NCAM1: variants seen among roughly 807,000 people sequenced by gnomAD.
NCAM1 encodes the protein antigen recognized by monoclonal antibody 5.1H11.
NCAM1 carries 14 observed loss-of-function variants against 109.8 expected under a neutral mutation model. The observed-to-expected ratio is 0.13, with a 90% CI of 0.08 to 0.20. The LOEUF (loss-of-function observed/expected upper bound fraction) is 0.20. Among genes scored for constraint, NCAM1 ranks in the 10% least tolerant of loss-of-function variants. The pLI is 1.00. For missense variants in NCAM1, 774 were observed against 1,109.9 expected, an observed-to-expected ratio of 0.70 and a Z score of 4.30; for synonymous variants, 418 against 442.9, an observed-to-expected ratio of 0.94 and a Z score of 0.70.
Position 113,277,287 on chromosome 11 carries a change from A to AAACT in NCAM1, c.*1901_*1904dup. On this transcript the variant is annotated 3_prime_UTR_variant, in exon 20 of 20. Coordinates refer to ENST00000316851, the MANE Select transcript of NCAM1 (RefSeq NM_181351.5). ...AGTGGCGATGCTAGATTATAATTTCAAACTGTGAAGAATAATGGTCTTGTC... is the reference window on the plus strand; with the variant it reads ...AGTGGCGATGCTAGATTATAATTTCAAACTAACTGTGAAGAATAATGGTCTTGTC... 1 of 398,980 alleles carries AAACT rather than the reference A, an allele frequency of 2.5e-6. No homozygotes were observed. The highest frequency in any genetic ancestry group is 4.4e-6 in the Non-Finnish European group (1 of 226,026). 24.7% of individuals were successfully genotyped at this position (398,980 alleles called of 1,614,324 possible).
intron 9 of NCAM1, among the ~76,000 whole-genome samples, chr11:113,230,574 C>G (rs1465221862): frequency 6.6e-6 from 1 of 152,158 alleles, no homozygotes; most frequent in Non-Finnish European, 1.5e-5. Context: ...GCTTCAGGGC[C>G]CCAAACCAGC....
In NCAM1 at chr11:113,111,966, CAT is replaced by C. The variant is rs1555093803; in HGVS notation, c.53-90412_53-90411del. Among the ~76,000 whole-genome samples the C allele has an allele frequency of 4.6e-5, 7 of 152,256 alleles. No homozygotes were observed. The South Asian group carries it at 1.5e-3, about 32-fold the overall frequency. The stretch of plus-strand genomic sequence containing the variant: ...ATCTTATTTTTAAGCTTTATTGGCA[CAT>C]GTTTACTATGCGAAAAAGAAAATCT... On this transcript the variant is annotated intron_variant, in intron 1 of 19. Coordinates refer to ENST00000316851, the MANE Select transcript of NCAM1 (RefSeq NM_181351.5).
At chr11:113,035,038 G>T (rs1281015810) in intron 1 of NCAM1, among the ~76,000 whole-genome samples, 1 of 152,144 alleles carries the variant, frequency 6.6e-6, no homozygotes, top group Non-Finnish European at 1.5e-5. Flanking sequence ...ACCTGGGGCG[G>T]TTAGACTTTT....
intron 1 of NCAM1, among the ~76,000 whole-genome samples, chr11:113,093,798 T>C (rs1158938538): frequency 2.6e-5 from 4 of 152,160 alleles, no homozygotes; most frequent in African/African-American, 9.7e-5. Flanking sequence ...ATAACAATAG[T>C]CAAGGTCCTC....
chr11:113,219,950 A>G (rs769539206), intron 8 of NCAM1, among the ~76,000 whole-genome samples: 6 of 152,102 alleles, frequency 3.9e-5, no homozygotes, highest in Non-Finnish European at 8.8e-5. Context: ...TTTCCATCTC[A>G]TTTCTCACAA....
intron 1 of NCAM1, among the ~76,000 whole-genome samples, chr11:113,009,079 G>A (rs550188266): frequency 2.8e-4 from 43 of 152,260 alleles, no homozygotes; most frequent in African/African-American, 8.9e-4. Flanking sequence ...GTTAGCCTGA[G>A]AAACTGAGCC....
At chr11:113,232,435 C>G (rs1555117459) in intron 11 of NCAM1, 81 bp downstream of exon 11, 11 of 1,375,214 alleles carry the variant, frequency 8.0e-6, no homozygotes, top group Non-Finnish European at 1.0e-6. Context: ...CTCAAGTCCT[C>G]TCTCCTGCTT....
intron 7 of NCAM1, among the ~76,000 whole-genome samples, chr11:113,212,109 A>G (rs2136997834): frequency 6.6e-6 from 1 of 152,272 alleles, no homozygotes; most frequent in African/African-American, 2.4e-5. Flanking sequence ...TTTGCCTACT[A>G]ATGCCCTTTG....
chr11:112,979,828 C>G (rs111743968), intron 1 of NCAM1, among the ~76,000 whole-genome samples: 2 of 151,698 alleles, frequency 1.3e-5, no homozygotes, highest in Non-Finnish European at 3.0e-5. Flanking sequence ...AAATTTGAAC[C>G]TTTTTATAAA....
At position 113,062,491 on chromosome 11, in the gene NCAM1, T is replaced by A. The variant is rs542166754; in HGVS notation, c.52+100827T>A. 2.6e-5 allele frequency among the ~76,000 whole-genome samples: 4 copies of A among 152,154 alleles called. No homozygotes were observed. The South Asian group carries it at 6.2e-4, about 24-fold the overall frequency. ...GTGTTATCTGCCCTCATGAATCTCATGTCATAGTGGTAGAATCAGGCCAAA... is the reference window on the plus strand; with the variant it reads ...GTGTTATCTGCCCTCATGAATCTCAAGTCATAGTGGTAGAATCAGGCCAAA... On this transcript the variant is annotated intron_variant, in intron 1 of 19. Coordinates refer to ENST00000316851, the MANE Select transcript of NCAM1 (RefSeq NM_181351.5).
chr11:113,205,573 G>A lies in NCAM1; in HGVS notation c.397G>A (p.Glu133Lys), dbSNP rs782623986. 4 of 1,613,538 alleles carry A rather than the reference G, an allele frequency of 2.5e-6. No homozygotes were observed. Among genetic ancestry groups the A allele is most frequent in the African/African-American group, 2.7e-5 (2 of 74,868 alleles). The change falls in exon 4 of 20, where the codon GAA becomes AAA. Residue 133 changes from glutamate (E) to lysine (K), a missense_variant. Transcript: ENST00000316851. ...APTPQEFREG[E>K]DAVIVCDVVS... ...AACCCCACAGGAGTTCCGGGAGGGG[G>A]AAGATGCCGTGATTGTGTGTGATGT... is the stretch of plus-strand genomic sequence containing the variant.
At chr11:113,068,588 G>A (rs1938092998) in intron 1 of NCAM1, among the ~76,000 whole-genome samples, 1 of 152,168 alleles carries the variant, frequency 6.6e-6, no homozygotes, top group Admixed American at 6.5e-5. Context: ...TTACAGATAA[G>A]GCCAATATAA....
At position 113,276,493 on chromosome 11, in the gene NCAM1, G is replaced by A. The variant is rs923074663; in HGVS notation, c.*1106G>A. 6.6e-6 allele frequency: 1 copy of A among 152,650 alleles called. No homozygotes were observed. The highest frequency in any genetic ancestry group is 2.4e-5 in the African/African-American group (1 of 41,466). 9.5% of individuals were successfully genotyped at this position (152,650 alleles called of 1,614,324 possible). The stretch of plus-strand genomic sequence containing the variant: ...TTTGAAGGACTCCTTAGGCTTTGTT[G>A]AATGAAGCAGAGAAGATTGTATAGT... On this transcript the variant is annotated 3_prime_UTR_variant, in exon 20 of 20. Transcript: ENST00000316851.
intron 1 of NCAM1, among the ~76,000 whole-genome samples, chr11:113,194,164 G>T (rs1943782237): frequency 6.6e-6 from 1 of 152,180 alleles, no homozygotes. Flanking sequence ...GGTTTCTGTT[G>T]TTTGGTTACT....
intron 1 of NCAM1, among the ~76,000 whole-genome samples, chr11:113,138,050 A>G (rs11214511): frequency 0.092 from 14,054 of 152,236 alleles, 931 homozygotes; most frequent in East Asian, 0.25. Flanking sequence ...CTAAGAAAAC[A>G]GCAGTGCGGG....
intron 14 of NCAM1, chr11:113,242,864 T>A: frequency 1.2e-6 from 2 of 1,613,914 alleles, no homozygotes; most frequent in Non-Finnish European, 1.7e-6. Context: ...CAGGGCTGAG[T>A]TGCTCTCGGC....
chr11:112,986,021 G>A (rs1555069579), intron 1 of NCAM1, among the ~76,000 whole-genome samples: 1 of 151,730 alleles, frequency 6.6e-6, no homozygotes, highest in Non-Finnish European at 1.5e-5. Context: ...AACTTTTTAA[G>A]GTTAAGTATG....
At chr11:113,034,784 C>T (rs1256493733) in intron 1 of NCAM1, among the ~76,000 whole-genome samples, 2 of 152,140 alleles carry the variant, frequency 1.3e-5, no homozygotes, top group Non-Finnish European at 2.9e-5. Flanking sequence ...TATGGGGAGG[C>T]GTCAGTGTGA....
At chr11:113,199,566 A>C (rs1451213732) in intron 1 of NCAM1, among the ~76,000 whole-genome samples, 1 of 151,324 alleles carries the variant, frequency 6.6e-6, no homozygotes, top group Non-Finnish European at 1.5e-5. Flanking sequence ...CAGGCGTCTA[A>C]ATGGATAACT....
Sources: gnomAD v4.1 joint callset for allele counts (sites outside exome capture counted in the v4.1 genomes callset) on GRCh38, gnomAD v4.1.1 for gene constraint, MANE v1.5 for transcripts, NCBI Gene and HGNC (gene_info 2026-07-23, HGNC 2026-07-21) for gene names.